The following CSMD3 variants were observed in gnomAD, a reference collection of about 807,000 sequenced individuals.
The protein encoded by CSMD3 is CUB and sushi domain-containing protein 3.
CSMD3 carries 177 observed loss-of-function variants against 435.2 expected under a neutral mutation model. The observed-to-expected ratio is 0.41, with a 90% CI of 0.36 to 0.46. The LOEUF is 0.46. CSMD3 is among the 20% of genes least tolerant of loss of function. CSMD3 has a pLI of 0.34. For missense variants in CSMD3, 4,265 were observed against 4,504.6 expected (o/e 0.95, Z 1.52); for synonymous variants, 1,656 against 1,520.5 (o/e 1.09, Z -2.07).
intron 31 of CSMD3, among the ~76,000 whole-genome samples, chr8:112,481,506 C>A (rs1216355132): frequency 1.3e-5 from 2 of 152,006 alleles, no homozygotes; most frequent in Non-Finnish European, 2.9e-5. Context: ...TCTTGCAGGT[C>A]ACAAAAGAGC....
At chr8:112,611,607 A>T (rs1833268165) in intron 22 of CSMD3, among the ~76,000 whole-genome samples, 1 of 152,280 alleles carries the variant, frequency 6.6e-6, no homozygotes, top group South Asian at 2.1e-4. Context: ...GCTCTATAAT[A>T]GACTATTGGC....
chr8:112,979,975 A>G (rs563083808), intron 6 of CSMD3, among the ~76,000 whole-genome samples: 1 of 151,114 alleles, frequency 6.6e-6, no homozygotes, highest in Non-Finnish European at 1.5e-5. Context: ...ACTATATGTC[A>G]TCTATGAAAT....
chr8:112,855,808 G>GC (rs770353833), intron 11 of CSMD3, among the ~76,000 whole-genome samples: 1 of 81,362 alleles, frequency 1.2e-5, no homozygotes, highest in Non-Finnish European at 2.7e-5. Flanking sequence ...TCTTAGCGAA[G>GC]CTTTTTTTTT....
rs9679115 is a variant in CSMD3, at chr8:112,877,944, A to T, written c.1634-18678T>A. The stretch of plus-strand genomic sequence containing the variant: ...AAGGTGGGTTATAGACTTAAACCTA[A>T]AACCTAAAACCATAAAAACCCTAGA... On this transcript the variant is annotated intron_variant, in intron 10 of 70. Coordinates refer to ENST00000297405, the MANE Select transcript of CSMD3 (RefSeq NM_198123.2). Among the ~76,000 whole-genome samples, 39 of 152,320 alleles carry T rather than the reference A, an allele frequency of 2.6e-4. No individual in the cohort carries two copies. In the East Asian group the frequency reaches 7.3e-3, roughly 29 times the overall value.
chr8:112,861,397 A>ACAAT (rs1286173624), intron 10 of CSMD3, among the ~76,000 whole-genome samples: 1 of 151,952 alleles, frequency 6.6e-6, no homozygotes, highest in African/African-American at 2.4e-5. Flanking sequence ...ATTTTCTAGT[A>ACAAT]CAATGACCTG....
intron 4 of CSMD3, among the ~76,000 whole-genome samples, chr8:113,125,669 G>C (rs1192061711): frequency 6.6e-6 from 1 of 152,036 alleles, no homozygotes; most frequent in Middle Eastern, 3.4e-3. Flanking sequence ...AATTAAACCA[G>C]GGGAGTAAGG....
chr8:112,306,123 G>T lies in CSMD3; in HGVS notation c.7955C>A (p.Thr2652Lys), dbSNP rs757060591. The change falls in exon 51 of 71, where the codon ACG becomes AAG. Residue 2652 changes from threonine (T) to lysine (K), a missense_variant. By Grantham distance (78) the Thr-to-Lys change is moderately conservative. Transcript: ENST00000297405. ...GILTTDYLVG[T>K]RVTYFCNDGY... ...ATCATTACAAAAATAGGTAACTCGC[G>T]TTCCTACCAAATAGTCTGTTGTTAG... 1 of 1,612,482 alleles carries T rather than the reference G, an allele frequency of 6.2e-7. No individual in the cohort carries two copies. The highest frequency in any genetic ancestry group is 2.2e-5 in the East Asian group (1 of 44,812).
At chr8:113,097,191 C>G (rs1342350314) in intron 5 of CSMD3, among the ~76,000 whole-genome samples, 2 of 152,008 alleles carry the variant, frequency 1.3e-5, no homozygotes, top group Non-Finnish European at 2.9e-5. Context: ...TTGTAAATAA[C>G]TATTTACAAA....
intron 4 of CSMD3, among the ~76,000 whole-genome samples, chr8:113,130,770 TG>T (rs1214857545): frequency 3.3e-5 from 5 of 152,108 alleles, no homozygotes; most frequent in Non-Finnish European, 7.4e-5. Flanking sequence ...TGGGGAAGTT[TG>T]GAACTTCCTA....
intron 22 of CSMD3, among the ~76,000 whole-genome samples, chr8:112,634,648 T>C (rs927138850): frequency 5.3e-5 from 8 of 152,048 alleles, no homozygotes; most frequent in Non-Finnish European, 8.8e-5. Flanking sequence ...TAAAACAAAA[T>C]TAACTCAATG....
Position 112,685,721 on chromosome 8 carries a change from A to G in CSMD3, c.2167T>C (p.Ser723Pro), listed in dbSNP as rs2131806233. The G allele has an allele frequency of 6.2e-7, 1 of 1,604,044 alleles. No homozygotes were observed. Among genetic ancestry groups the G allele is most frequent in the Non-Finnish European group, 8.5e-7 (1 of 1,171,118 alleles). The change falls in exon 15 of 71, where the codon TCT becomes CCT. Residue 723 changes from serine (S) to proline (P), a missense_variant. Ser to Pro is a moderately conservative substitution (Grantham distance 74, BLOSUM62 -1). This residue lies in a region of CSMD3 where 279 missense variants were observed against 369.0 expected (regional missense o/e 0.76). Transcript: ENST00000297405. ...NIPICIFPCL[S>P]NFTAPMGTVL... The stretch of plus-strand genomic sequence containing the variant: ...GTTCCCATTGGTGCAGTAAAGTTAG[A>G]CAGGCAGGGAACTGGTGAAACAGGA...
At chr8:112,593,472 T>A (rs375971226) in intron 22 of CSMD3, among the ~76,000 whole-genome samples, 1 of 152,204 alleles carries the variant, frequency 6.6e-6, no homozygotes, top group East Asian at 1.9e-4. Flanking sequence ...TTGATTATAA[T>A]GCTGATGAAT....
chr8:113,402,064 A>G (rs1487319264), intron 1 of CSMD3, among the ~76,000 whole-genome samples: 1 of 151,570 alleles, frequency 6.6e-6, no homozygotes, highest in Non-Finnish European at 1.5e-5. Flanking sequence ...GGTTTTTACT[A>G]AACACATCAC....
At chr8:112,978,556 G>A (rs1587813761) in intron 6 of CSMD3, among the ~76,000 whole-genome samples, 2 of 151,866 alleles carry the variant, frequency 1.3e-5, no homozygotes, top group African/African-American at 4.8e-5. Context: ...AAAATATTTA[G>A]CATAAGAGCT....
chr8:113,383,465 A>G (rs1262868484), intron 1 of CSMD3, among the ~76,000 whole-genome samples: 1 of 152,148 alleles, frequency 6.6e-6, no homozygotes, highest in Non-Finnish European at 1.5e-5. Context: ...CATTTGAAAA[A>G]GACAGTTGAG....
chr8:113,413,900 A>G (rs2094570378), intron 1 of CSMD3, among the ~76,000 whole-genome samples: 1 of 152,192 alleles, frequency 6.6e-6, no homozygotes, highest in African/African-American at 2.4e-5. Context: ...TCAGAAGGTT[A>G]TTTGGAAACT....
chr8:112,882,882 T>C lies in CSMD3; in HGVS notation c.1634-23616A>G, dbSNP rs186020250. ...ACTCCAAGAAATAATTTCTTTAGCC[T>C]AATAAGTTGACAGGCAAATTAGCTG... On this transcript the variant is annotated intron_variant, in intron 10 of 70. Coordinates refer to ENST00000297405, the MANE Select transcript of CSMD3 (RefSeq NM_198123.2). Among the ~76,000 whole-genome samples the C allele has an allele frequency of 2.0e-3, 305 of 152,120 alleles. 1 individual carries two copies. Among genetic ancestry groups the C allele is most frequent in the Non-Finnish European group, 5.9e-4 (40 of 67,966 alleles).
At chr8:112,503,367 C>G (rs10096109) in intron 30 of CSMD3, among the ~76,000 whole-genome samples, 124,027 of 152,272 alleles carry the variant, frequency 0.81, 51,088 homozygotes, top group African/African-American at 0.93. Context: ...ACAGGCATGA[C>G]TGATGGCACC....
intron 1 of CSMD3, among the ~76,000 whole-genome samples, chr8:113,320,320 A>C: frequency 6.6e-6 from 1 of 152,076 alleles, no homozygotes. Context: ...AAGGTAACTA[A>C]ATTTTATATG....
Sources: allele counts gnomAD v4.1 joint callset (sites outside exome capture counted in the v4.1 genomes callset), GRCh38; gene constraint gnomAD v4.1.1; regional missense constraint gnomAD v4.1.1; transcripts MANE v1.5; gene names NCBI Gene and HGNC (gene_info 2026-07-23, HGNC 2026-07-21).